The following ULK4 variants were observed in gnomAD, a reference collection of about 807,000 sequenced individuals.
ULK4 encodes unc-51 like kinase 4.
Under a neutral mutation model 160.6 loss-of-function variants are expected in ULK4, and 133 were observed. That is an observed-to-expected ratio of 0.83 (90% confidence interval 0.72 to 0.96). The LOEUF (loss-of-function observed/expected upper bound fraction) is 0.96. Among genes scored for constraint, ULK4 ranks in the 40% least tolerant of loss-of-function variants. The pLI is 0.00. For synonymous variants in ULK4, 534 were observed against 539.8 expected (o/e 0.99, Z 0.15); for missense variants, 1,580 against 1,499.5 (o/e 1.05, Z -0.89).
intron 31 of ULK4, among the ~76,000 whole-genome samples, chr3:41,606,341 C>T (rs2032383062): frequency 6.6e-6 from 1 of 151,884 alleles, no homozygotes. Flanking sequence ...AATAGTAATC[C>T]ACTGCATATA....
At chr3:41,662,502 G>A (rs2035212013) in intron 30 of ULK4, among the ~76,000 whole-genome samples, 1 of 152,174 alleles carries the variant, frequency 6.6e-6, no homozygotes, top group Admixed American at 6.5e-5. Context: ...TTGGATATGA[G>A]TACTTTTTAA....
intron 9 of ULK4, among the ~76,000 whole-genome samples, chr3:41,911,958 G>C (rs1189342852): frequency 1.3e-5 from 2 of 151,950 alleles, no homozygotes; most frequent in Non-Finnish European, 2.9e-5. Context: ...TTTGAGACCA[G>C]CCTGGGCAAC....
chr3:41,451,847 C>A (rs1253009175), intron 34 of ULK4, among the ~76,000 whole-genome samples: 1 of 152,034 alleles, frequency 6.6e-6, no homozygotes, highest in Non-Finnish European at 1.5e-5. Context: ...AATGTAATAT[C>A]AAGGAATCAA....
chr3:41,263,896 G>T (rs1317663569), intron 35 of ULK4, among the ~76,000 whole-genome samples: 1 of 152,228 alleles, frequency 6.6e-6, no homozygotes, highest in Non-Finnish European at 1.5e-5. Flanking sequence ...TTAGATTCTG[G>T]AGAAATAGCA....
intron 7 of ULK4, among the ~76,000 whole-genome samples, chr3:41,917,229 C>A (rs932339807): frequency 6.6e-6 from 1 of 152,136 alleles, no homozygotes; most frequent in South Asian, 2.1e-4. Flanking sequence ...AATGGCCACA[C>A]ATTGTGGCTC....
chr3:41,737,835 T>C (rs778388642), intron 22 of ULK4, among the ~76,000 whole-genome samples: 3 of 151,910 alleles, frequency 2.0e-5, no homozygotes, highest in Non-Finnish European at 4.4e-5. Context: ...AAATTCAAAT[T>C]ACAGTGACCC....
chr3:41,655,252 T>C (rs1197193951), intron 30 of ULK4, among the ~76,000 whole-genome samples: 1 of 151,448 alleles, frequency 6.6e-6, no homozygotes, highest in Non-Finnish European at 1.5e-5. Flanking sequence ...CTGGAAACCA[T>C]CATTCTCAGC....
At chr3:41,396,778 T>G (rs2082070373) in intron 35 of ULK4, among the ~76,000 whole-genome samples, 1 of 152,148 alleles carries the variant, frequency 6.6e-6, no homozygotes, top group Non-Finnish European at 1.5e-5. Context: ...TCAGAAGTAT[T>G]CATCCCACAC....
Position 41,939,938 on chromosome 3 carries a change from G to A in ULK4, c.139-1741C>T, listed in dbSNP as rs539680491. ...GATCTGAGGTGGAACATTTCATCCC[G>A]AAACCATCCCCACCCCATGGAAAAA... On this transcript the variant is annotated intron_variant, in intron 2 of 36. Transcript: ENST00000301831. Among the ~76,000 whole-genome samples the A allele has an allele frequency of 2.5e-4, 38 of 152,106 alleles. No homozygotes were observed. In the South Asian group the frequency reaches 7.3e-3, roughly 29 times the overall value.
chr3:41,754,797 C>G (rs139436803), intron 21 of ULK4, among the ~76,000 whole-genome samples: 3 of 152,256 alleles, frequency 2.0e-5, no homozygotes, highest in African/African-American at 4.8e-5. Flanking sequence ...AATGACAAAG[C>G]CTGCCTGTTA....
chr3:41,411,898 C>T (rs1419281142), intron 34 of ULK4, among the ~76,000 whole-genome samples: 1 of 152,052 alleles, frequency 6.6e-6, no homozygotes, highest in Non-Finnish European at 1.5e-5. Flanking sequence ...CGAAGACAGA[C>T]AGGATGTCTC....
At chr3:41,372,877 C>T (rs572470066) in intron 35 of ULK4, among the ~76,000 whole-genome samples, 28 of 152,120 alleles carry the variant, frequency 1.8e-4, no homozygotes, top group South Asian at 1.5e-3. Context: ...TCCATAGGTG[C>T]GCTGTATTCG....
chr3:41,380,263 G>C (rs957478859), intron 35 of ULK4, among the ~76,000 whole-genome samples: 9 of 152,164 alleles, frequency 5.9e-5, no homozygotes, highest in African/African-American at 2.2e-4. Context: ...AACTGAGGAA[G>C]ATCTTACATA....
At chr3:41,441,168 C>G (rs1385780862) in intron 34 of ULK4, among the ~76,000 whole-genome samples, 1 of 151,894 alleles carries the variant, frequency 6.6e-6, no homozygotes, top group Non-Finnish European at 1.5e-5. Context: ...TTTATTAGTC[C>G]CTTTCTTCTA....
intron 7 of ULK4, among the ~76,000 whole-genome samples, chr3:41,917,278 C>T (rs985108089): frequency 6.6e-5 from 10 of 152,026 alleles, no homozygotes; most frequent in Admixed American, 2.0e-4. Flanking sequence ...CCAAGGCAGG[C>T]GGATCACTCG....
At chr3:41,569,698 CCT>C (rs2087904551) in intron 31 of ULK4, among the ~76,000 whole-genome samples, 2 of 152,090 alleles carry the variant, frequency 1.3e-5, no homozygotes, top group African/African-American at 4.8e-5. Flanking sequence ...TACACCGTGT[CCT>C]CTCTCTTGTT....
At chr3:41,744,901 C>T (rs1407959981) in intron 22 of ULK4, among the ~76,000 whole-genome samples, 1 of 151,552 alleles carries the variant, frequency 6.6e-6, no homozygotes, top group African/African-American at 2.4e-5. Context: ...ATATCAATAA[C>T]ATAATGACAA....
At chr3:41,750,066 C>T (rs908157036) in intron 22 of ULK4, among the ~76,000 whole-genome samples, 1 of 152,154 alleles carries the variant, frequency 6.6e-6, no homozygotes. Context: ...GGACTCCGAG[C>T]CTCAACTGAG....
intron 32 of ULK4, among the ~76,000 whole-genome samples, chr3:41,519,322 G>A (rs570010451): frequency 2.9e-4 from 44 of 152,280 alleles, no homozygotes; most frequent in Non-Finnish European, 4.0e-4. Context: ...TTGGAGCTCT[G>A]ACTAGTCACT....
Sources: allele counts gnomAD v4.1 joint callset (sites outside exome capture counted in the v4.1 genomes callset), GRCh38; gene constraint gnomAD v4.1.1; transcripts MANE v1.5; gene names NCBI Gene and HGNC (gene_info 2026-07-23, HGNC 2026-07-21).